Variants in SEMA6D observed in about 807,000 individuals in gnomAD.
SEMA6D encodes the protein semaphorin 6D.
A neutral mutation model predicts 106.6 loss-of-function variants in SEMA6D; 35 were observed. That is an observed-to-expected ratio of 0.33 (90% CI 0.25 to 0.44). SEMA6D has a LOEUF of 0.44. SEMA6D is among the 20% of genes least tolerant of loss of function. The pLI, the probability that SEMA6D is intolerant of heterozygous loss-of-function variation, is 1.00. For synonymous variants in SEMA6D, 499 were observed against 487.7 expected (o/e 1.02, Z -0.31); for missense variants, 1,185 against 1,345.9 (o/e 0.88, Z 1.87).
At chr15:47,769,314 T>C (rs1185412425) in intron 18 of SEMA6D, among the ~76,000 whole-genome samples, 2 of 152,134 alleles carry the variant, frequency 1.3e-5, no homozygotes, top group East Asian at 3.9e-4. Flanking sequence ...TATATTACTC[T>C]AGGAAAAAAA....
intron 1 of SEMA6D, among the ~76,000 whole-genome samples, chr15:47,218,932 A>G (rs2030933219): frequency 6.6e-6 from 1 of 152,186 alleles, no homozygotes; most frequent in Non-Finnish European, 1.5e-5. Flanking sequence ...TATGATGCCA[A>G]ACCCATGTTT....
intron 2 of SEMA6D, among the ~76,000 whole-genome samples, chr15:47,450,305 G>T (rs1200280902): frequency 6.6e-6 from 1 of 151,756 alleles, no homozygotes; most frequent in Non-Finnish European, 1.5e-5. Context: ...TTTATTCATT[G>T]CCTATGATGT....
chr15:47,392,844 TC>T (rs1195225410), intron 1 of SEMA6D, among the ~76,000 whole-genome samples: 1 of 152,192 alleles, frequency 6.6e-6, no homozygotes. Flanking sequence ...AACAAAGGCT[TC>T]CAATGAAAAC....
At chr15:47,217,866 T>TACACAC (rs1330992010) in intron 1 of SEMA6D, among the ~76,000 whole-genome samples, 22 of 59,296 alleles carry the variant, frequency 3.7e-4, no homozygotes, top group Non-Finnish European at 5.1e-4. Context: ...TGCTTGCATG[T>TACACAC]ACACACATAC....
intron 4 of SEMA6D, among the ~76,000 whole-genome samples, chr15:47,680,125 A>G (rs566621469): frequency 6.6e-6 from 1 of 152,316 alleles, no homozygotes; most frequent in South Asian, 2.1e-4. Flanking sequence ...CCAGGGTAAG[A>G]TTAGGGAAAC....
chr15:47,223,027 T>TA (rs2031339064), intron 1 of SEMA6D, among the ~76,000 whole-genome samples: 1 of 152,176 alleles, frequency 6.6e-6, no homozygotes, highest in Admixed American at 6.5e-5. Context: ...ACCATGGGCA[T>TA]AGTGTTGGCT....
intron 1 of SEMA6D, among the ~76,000 whole-genome samples, chr15:47,755,053 G>A (rs1403894399): frequency 6.6e-6 from 1 of 150,506 alleles, no homozygotes; most frequent in Non-Finnish European, 1.5e-5. Context: ...CCAGGTTCAA[G>A]TAATTCTCCT....
chr15:47,272,276 A>G (rs756764172), intron 1 of SEMA6D, among the ~76,000 whole-genome samples: 1 of 152,228 alleles, frequency 6.6e-6, no homozygotes, highest in East Asian at 1.9e-4. Context: ...TACTAAAACT[A>G]TATTTTTCCC....
intron 1 of SEMA6D, among the ~76,000 whole-genome samples, chr15:47,733,763 A>G (rs1401853078): frequency 6.6e-6 from 1 of 152,238 alleles, no homozygotes; most frequent in Non-Finnish European, 1.5e-5. Flanking sequence ...GGTATCTGAC[A>G]TAAACTCACT....
At chr15:47,681,484 G>A (rs777886064) in intron 4 of SEMA6D, among the ~76,000 whole-genome samples, 6 of 152,256 alleles carry the variant, frequency 3.9e-5, no homozygotes, top group South Asian at 4.1e-4. Flanking sequence ...TGAGTAAAGA[G>A]TCTCAGTGAT....
At chr15:47,195,815 T>A (rs569766380) in intron 1 of SEMA6D, among the ~76,000 whole-genome samples, 1 of 152,278 alleles carries the variant, frequency 6.6e-6, no homozygotes, top group South Asian at 2.1e-4. Context: ...GTGGACACGA[T>A]GTCTTGTTGA....
intron 4 of SEMA6D, among the ~76,000 whole-genome samples, chr15:47,711,139 C>A (rs1311636868): frequency 1.3e-5 from 2 of 151,414 alleles, no homozygotes; most frequent in Non-Finnish European, 2.9e-5. Context: ...GAAACCCCGT[C>A]TCTACTAAAA....
chr15:47,365,391 C>T (rs946482684), intron 1 of SEMA6D, among the ~76,000 whole-genome samples: 1 of 152,140 alleles, frequency 6.6e-6, no homozygotes, highest in East Asian at 1.9e-4. Flanking sequence ...AGGTGGATCA[C>T]CCCCACTGCA....
intron 2 of SEMA6D, among the ~76,000 whole-genome samples, chr15:47,413,227 C>T (rs937028681): frequency 6.6e-6 from 1 of 151,956 alleles, no homozygotes; most frequent in Non-Finnish European, 1.5e-5. Flanking sequence ...AATTTACATT[C>T]TTAATAAAAG....
chr15:47,195,618 C>A (rs1162193157), intron 1 of SEMA6D, among the ~76,000 whole-genome samples: 1 of 152,076 alleles, frequency 6.6e-6, no homozygotes, highest in Non-Finnish European at 1.5e-5. Flanking sequence ...TTCATGATGC[C>A]TCTAAAGGAT....
intron 4 of SEMA6D, among the ~76,000 whole-genome samples, chr15:47,653,509 G>T (rs1308626293): frequency 1.3e-5 from 2 of 152,176 alleles, no homozygotes; most frequent in Non-Finnish European, 2.9e-5. Context: ...TTCATTTGTT[G>T]AATGTTCTTT....
At chr15:47,697,728 A>G (rs1019168791) in intron 4 of SEMA6D, among the ~76,000 whole-genome samples, 1 of 152,214 alleles carries the variant, frequency 6.6e-6, no homozygotes, top group Non-Finnish European at 1.5e-5. Flanking sequence ...AATTAATCTA[A>G]TTCCATCACT....
intron 3 of SEMA6D, among the ~76,000 whole-genome samples, chr15:47,574,182 A>G (rs534658352): frequency 5.7e-4 from 87 of 152,362 alleles, no homozygotes; most frequent in African/African-American, 2.1e-3. Flanking sequence ...TGAAAAGAAT[A>G]TTAGGACCTG....
chr15:47,385,065 T>TTTA (rs35758807), intron 1 of SEMA6D, among the ~76,000 whole-genome samples: 6 of 137,230 alleles, frequency 4.4e-5, no homozygotes, highest in Admixed American at 1.5e-4. Context: ...TTTTTTTTTT[T>TTTA]ACCATAGAAC....
Sources: allele counts gnomAD v4.1 joint callset (sites outside exome capture counted in the v4.1 genomes callset), GRCh38; gene constraint gnomAD v4.1.1; transcripts MANE v1.5; gene names NCBI Gene and HGNC (gene_info 2026-07-23, HGNC 2026-07-21).